The following CLOCK variants were observed in gnomAD, a reference collection of about 807,000 sequenced individuals.
The protein encoded by CLOCK is clock circadian regulator, also known as circadian locomoter output cycles protein kaput.
Under a neutral mutation model 118.4 loss-of-function variants are expected in CLOCK, and 43 were observed. The observed-to-expected ratio is 0.36, with a 90% CI of 0.28 to 0.47. CLOCK has a LOEUF of 0.47. Among genes scored for constraint, CLOCK ranks in the 20% least tolerant of loss-of-function variants. The pLI is 1.00. For synonymous variants in CLOCK, 326 were observed against 339.2 expected (o/e 0.96, Z 0.43); for missense variants, 846 against 999.9 (o/e 0.85, Z 2.08).
chr4:55,442,455 T>C lies in CLOCK; in HGVS notation c.2082A>G (p.Thr694=). Residue 694 remains threonine, a synonymous_variant, in exon 21 of 23, where the codon ACA becomes ACG. Transcript: ENST00000513440. ...QNSTQSAAVT[T]FTQDRQIRFS... The stretch of plus-strand genomic sequence containing the variant: ...ACCTTATCTGCCTGTCCTGAGTGAA[T>C]GTAGTTACTGCAGCACTCTGGGTGC... 6.2e-7 allele frequency: 1 copy of C among 1,609,366 alleles called. No homozygotes were observed. The highest frequency in any genetic ancestry group is 1.1e-5 in the South Asian group (1 of 90,634).
chr4:55,471,405 C>T (rs1249161097), intron 7 of CLOCK, among the ~76,000 whole-genome samples: 1 of 151,942 alleles, frequency 6.6e-6, no homozygotes, highest in Middle Eastern at 3.2e-3. Context: ...GGCTGTGCTT[C>T]AATAAGAGTA....
At chr4:55,475,242 A>G (rs1726428107) in intron 7 of CLOCK, among the ~76,000 whole-genome samples, 1 of 152,192 alleles carries the variant, frequency 6.6e-6, no homozygotes, top group African/African-American at 2.4e-5. Context: ...AAACGGCAAG[A>G]GAATTAGAAT....
At chr4:55,512,367 T>C (rs1206242381) in intron 1 of CLOCK, among the ~76,000 whole-genome samples, 1 of 141,026 alleles carries the variant, frequency 7.1e-6, no homozygotes, top group Non-Finnish European at 1.6e-5. Context: ...TTCTTGAGGT[T>C]TGTATATCTT....
intron 2 of CLOCK, among the ~76,000 whole-genome samples, chr4:55,496,018 G>A (rs1420171916): frequency 3.3e-5 from 5 of 151,802 alleles, no homozygotes; most frequent in African/African-American, 7.3e-5. Flanking sequence ...GTGAAACCCC[G>A]TCTCTACTAA....
Position 55,478,904 on chromosome 4 carries a change from T to C in CLOCK, c.167A>G (p.Glu56Gly). 6.2e-7 allele frequency: 1 copy of C among 1,609,354 alleles called. No individual in the cohort carries two copies. The highest frequency in any genetic ancestry group is 8.5e-7 in the Non-Finnish European group (1 of 1,176,804). The change falls in exon 6 of 23, where the codon GAA becomes GGA. Residue 56 changes from glutamate to glycine, a missense_variant. Physicochemically the swap from Glu to Gly is moderately conservative, Grantham distance 98. Transcript: ENST00000513440. ...RRDQFNVLIK[E>G]LGSMLPGNAR... ...ATTACCAGGAAGCATGGATCCCAGT[T>C]CTTTAATGAGAACATTAAATTGATC... is the stretch of plus-strand genomic sequence containing the variant.
chr4:55,546,088 C>T (rs570510879), intron 1 of CLOCK, among the ~76,000 whole-genome samples: 1 of 152,310 alleles, frequency 6.6e-6, no homozygotes, highest in East Asian at 1.9e-4. Context: ...GCTGGCCGCC[C>T]CGGCGCCCCA....
chr4:55,436,009 G>A (rs956071086), intron 22 of CLOCK, among the ~76,000 whole-genome samples: 4 of 152,058 alleles, frequency 2.6e-5, no homozygotes, highest in Non-Finnish European at 4.4e-5. Context: ...TGGTTAGAGC[G>A]GCACAGTTAA....
chr4:55,514,508 C>CCCA, intron 1 of CLOCK, among the ~76,000 whole-genome samples: 1 of 151,410 alleles, frequency 6.6e-6, no homozygotes, highest in East Asian at 2.0e-4. Context: ...TATCCCCCCC[C>CCCA]CACTTTGCTG....
chr4:55,463,658 CT>C, intron 9 of CLOCK, 26 bp downstream of exon 9: 1 of 1,611,730 alleles, frequency 6.2e-7, no homozygotes, highest in African/African-American at 1.3e-5. Context: ...CAACATTTGA[CT>C]TTTTTGCTTA....
chr4:55,455,831 C>A, intron 13 of CLOCK, 66 bp downstream of exon 13: 2 of 1,068,750 alleles, frequency 1.9e-6, no homozygotes, highest in Non-Finnish European at 2.9e-6. Flanking sequence ...TACTACCTAT[C>A]ATTTCAGGAC....
chr4:55,504,438 T>C (rs1027425015), intron 2 of CLOCK, among the ~76,000 whole-genome samples: 1 of 152,052 alleles, frequency 6.6e-6, no homozygotes, highest in Non-Finnish European at 1.5e-5. Flanking sequence ...GCTTAGAATA[T>C]AATGCCTCAA....
chr4:55,469,781 C>T (rs1726003130), intron 8 of CLOCK, among the ~76,000 whole-genome samples: 1 of 152,184 alleles, frequency 6.6e-6, no homozygotes. Flanking sequence ...CATCACGGCC[C>T]ACTGTAGCCT....
chr4:55,515,881 T>C (rs1160553486), intron 1 of CLOCK, among the ~76,000 whole-genome samples: 2 of 152,224 alleles, frequency 1.3e-5, no homozygotes, highest in Non-Finnish European at 2.9e-5. Context: ...TTTCATTTAG[T>C]TCAAAACATT....
At chr4:55,529,724 G>C (rs1295383921) in intron 1 of CLOCK, among the ~76,000 whole-genome samples, 5 of 152,154 alleles carry the variant, frequency 3.3e-5, no homozygotes, top group Non-Finnish European at 7.3e-5. Flanking sequence ...AGAAACTGAG[G>C]ACAAAGAGAT....
intron 7 of CLOCK, among the ~76,000 whole-genome samples, chr4:55,475,691 G>T (rs1323247551): frequency 6.6e-6 from 1 of 152,188 alleles, no homozygotes; most frequent in African/African-American, 2.4e-5. Context: ...ATTAAGACTT[G>T]CTGAAGGCTC....
rs80056744 is a variant in CLOCK, at chr4:55,485,260, C to T, written c.-43-2432G>A. ...GATTACAGGTGTGAGCCACCATGAC[C>T]GGTCAGATATAACTCTTAACAGTCT... On this transcript the variant is annotated intron_variant, in intron 3 of 22. Coordinates refer to ENST00000513440, the MANE Select transcript of CLOCK (RefSeq NM_004898.4). 4.2e-3 allele frequency among the ~76,000 whole-genome samples: 644 copies of T among 152,254 alleles called. 6 individuals are homozygous for T. The highest frequency in any genetic ancestry group is 0.015 in the African/African-American group (615 of 41,546).
Position 55,456,248 on chromosome 4 carries a change from A to G in CLOCK, c.845T>C (p.Leu282Ser). 1.9e-6 allele frequency: 3 copies of G among 1,604,492 alleles called. No homozygotes were observed. Among genetic ancestry groups the G allele is most frequent in the Non-Finnish European group, 2.6e-6 (3 of 1,172,638 alleles). The change falls in exon 12 of 23, where the codon TTA becomes TCA. Residue 282 changes from leucine (L) to serine (S), a missense_variant. Physicochemically the swap from Leu to Ser is moderately radical, Grantham distance 145. Around this residue, in one of 4 missense-constraint regions of CLOCK, gnomAD observed 14 missense variants for 42.2 expected, o/e 0.33. Transcript: ENST00000513440. ...ATCTAGAAACAGAAACTTCCATTCT[A>G]AACTATGTCTAGATGTAAACTCTTC... ...PNEEFTSRHS[L>S]EWKFLFLDHR...
chr4:55,539,254 A>G (rs1731097597), intron 1 of CLOCK, among the ~76,000 whole-genome samples: 1 of 149,484 alleles, frequency 6.7e-6, no homozygotes. Flanking sequence ...AACAACAACA[A>G]CAAAAAAAAC....
In CLOCK at chr4:55,484,974, C is replaced by CT. The variant is rs1193072680; in HGVS notation, c.-43-2147dup. On this transcript the variant is annotated intron_variant, in intron 3 of 22. Transcript: ENST00000513440. ...CAACGTAAGATCTCTCTCTCTCTCT[C>CT]TTTTTTTGAGACAGGGTCTCCCTCT... Among the ~76,000 whole-genome samples, 6 of 151,738 alleles carry CT rather than the reference C, an allele frequency of 4.0e-5. No individual in the cohort carries two copies. In the East Asian group the frequency reaches 1.2e-3, roughly 29 times the overall value.
Sources: allele counts gnomAD v4.1 joint callset (sites outside exome capture counted in the v4.1 genomes callset), GRCh38; gene constraint gnomAD v4.1.1; regional missense constraint gnomAD v4.1.1; transcripts MANE v1.5; gene names NCBI Gene and HGNC (gene_info 2026-07-23, HGNC 2026-07-21).